The following DAB1 variants were observed in gnomAD, a reference collection of about 807,000 sequenced individuals.
DAB1 encodes DAB adaptor protein 1.
In DAB1, 15 loss-of-function variants were observed where a neutral mutation model predicts 64.6. That is an observed-to-expected ratio of 0.23 (90% CI 0.16 to 0.36). The LOEUF (loss-of-function observed/expected upper bound fraction) is 0.36, where lower values mean the gene tolerates loss of function less well. Among genes scored for constraint, DAB1 ranks in the 10% least tolerant of loss-of-function variants. The pLI is 1.00. For missense variants in DAB1, 596 were observed against 706.7 expected, an observed-to-expected ratio of 0.84 and a Z score of 1.78; for synonymous variants, 235 against 251.9, an observed-to-expected ratio of 0.93 and a Z score of 0.64.
Position 58,370,388 on chromosome 1 carries a change from T to C in DAB1, n.258-26985A>G, listed in dbSNP as rs1359557557. Among the ~76,000 whole-genome samples, 1,065 of 141,062 alleles carry C rather than the reference T, an allele frequency of 7.5e-3. 5 individuals are homozygous for C. Among genetic ancestry groups the C allele is most frequent in the African/African-American group, 0.025 (983 of 39,758 alleles). 92.5% of individuals were successfully genotyped at this position (141,062 alleles called of 152,430 possible). A position where few individuals can be genotyped will look rare whatever the true frequency, so the allele number is the denominator to read the frequency against. On this transcript the variant is annotated intron_variant and non_coding_transcript_variant, in intron 3 of 20. Coordinates refer to the DAB1 transcript ENST00000485760. ...ATGAGTGTGTGCGTGTGTGTGTGTG[T>C]GTGTGTGTGTGTGTGTGTGTGTGTG...
intron 7 of DAB1, among the ~76,000 whole-genome samples, chr1:57,648,566 T>C (rs1189351256): frequency 1.3e-5 from 2 of 152,200 alleles, no homozygotes; most frequent in African/African-American, 4.8e-5. Context: ...GCTTCTCATA[T>C]TTTTAATGAA....
chr1:58,142,985 G>A (rs1213235928), intron 5 of DAB1, among the ~76,000 whole-genome samples: 1 of 151,988 alleles, frequency 6.6e-6, no homozygotes, highest in Non-Finnish European at 1.5e-5. Context: ...GGCACTTATT[G>A]GAAATGGAAA....
At chr1:58,025,649 GTGTATATATATATATATA>G (rs1167510736) in intron 5 of DAB1, among the ~76,000 whole-genome samples, 1 of 115,062 alleles carries the variant, frequency 8.7e-6, no homozygotes, top group Admixed American at 9.0e-5. Context: ...ATATATATGT[GTGTATATATATATATATA>G]TATATATATA....
intron 7 of DAB1, among the ~76,000 whole-genome samples, chr1:57,477,582 G>A (rs1643954341): frequency 6.6e-6 from 1 of 152,084 alleles, no homozygotes; most frequent in East Asian, 1.9e-4. Flanking sequence ...ATATAAATTG[G>A]AGTGATTAGA....
intron 7 of DAB1, among the ~76,000 whole-genome samples, chr1:57,579,988 C>G (rs1340765311): frequency 1.3e-5 from 2 of 152,114 alleles, no homozygotes; most frequent in African/African-American, 2.4e-5. Flanking sequence ...TGGCAAGAGA[C>G]TTCATTGTGG....
intron 4 of DAB1, among the ~76,000 whole-genome samples, chr1:58,227,621 A>G (rs905530082): frequency 6.6e-6 from 1 of 152,104 alleles, no homozygotes; most frequent in African/African-American, 2.4e-5. Flanking sequence ...GAAAGTCACG[A>G]AAGTTAGGGG....
intron 2 of DAB1, among the ~76,000 whole-genome samples, chr1:57,231,774 G>A (rs1380948486): frequency 6.6e-6 from 1 of 152,116 alleles, no homozygotes. Context: ...ACTAATCTGT[G>A]TCACCCAATG....
intron 4 of DAB1, among the ~76,000 whole-genome samples, chr1:58,306,824 C>A (rs542054440): frequency 1.7e-4 from 26 of 152,218 alleles, no homozygotes; most frequent in African/African-American, 6.3e-4. Flanking sequence ...TCTCTCTCCC[C>A]TGTCTCACTT....
chr1:57,759,870 T>C (rs77585632), intron 6 of DAB1, among the ~76,000 whole-genome samples: 6,804 of 152,126 alleles, frequency 0.045, 193 homozygotes, highest in Middle Eastern at 0.082. Context: ...GTAACAATTA[T>C]AGAGGGGAAA....
chr1:58,002,000 C>T (rs1390667763), intron 5 of DAB1, among the ~76,000 whole-genome samples: 2 of 152,126 alleles, frequency 1.3e-5, no homozygotes, highest in Non-Finnish European at 1.5e-5. Context: ...ATATTGGCAA[C>T]CAGAAGCTGC....
At chr1:58,473,780 T>C (rs181372483) in intron 3 of DAB1, 1 of 543,140 alleles carries the variant, frequency 1.8e-6, no homozygotes, top group African/African-American at 1.9e-5. Context: ...CAGAACAGTC[T>C]GACCCAAGAA....
At chr1:58,448,042 C>T (rs757012183) in intron 3 of DAB1, among the ~76,000 whole-genome samples, 16 of 151,984 alleles carry the variant, frequency 1.1e-4, no homozygotes, top group Non-Finnish European at 2.1e-4. Context: ...GCTAACACAG[C>T]CCAGGCATCA....
At chr1:57,627,496 T>C (rs1473970464) in intron 7 of DAB1, among the ~76,000 whole-genome samples, 1 of 152,210 alleles carries the variant, frequency 6.6e-6, no homozygotes, top group African/African-American at 2.4e-5. Context: ...CTTTGCTTAT[T>C]ATCCATTACA....
At chr1:58,357,687 G>A (rs1007967802) in intron 3 of DAB1, among the ~76,000 whole-genome samples, 31 of 152,220 alleles carry the variant, frequency 2.0e-4, no homozygotes, top group African/African-American at 7.5e-4. Flanking sequence ...AGATTCTGAT[G>A]CAGTGGGTCT....
intron 2 of DAB1, among the ~76,000 whole-genome samples, chr1:57,204,690 C>T (rs929537222): frequency 3.9e-5 from 6 of 152,204 alleles, no homozygotes; most frequent in Non-Finnish European, 5.9e-5. Flanking sequence ...ATAAAGACTT[C>T]GTTGGAATTG....
At chr1:57,235,714 GA>G (rs10633827) in intron 2 of DAB1, among the ~76,000 whole-genome samples, 4 of 150,228 alleles carry the variant, frequency 2.7e-5, no homozygotes, top group East Asian at 2.0e-4. Flanking sequence ...CTTTAAAAAA[GA>G]AAAAAAAACA....
At chr1:57,380,396 C>T (rs1201276386) in intron 1 of DAB1, among the ~76,000 whole-genome samples, 4 of 152,158 alleles carry the variant, frequency 2.6e-5, no homozygotes, top group African/African-American at 7.2e-5. Flanking sequence ...TCCTTAGAAC[C>T]GTCTTACCCA....
chr1:57,545,736 CT>C (rs1644849089), intron 7 of DAB1, among the ~76,000 whole-genome samples: 1 of 152,118 alleles, frequency 6.6e-6, no homozygotes, highest in Non-Finnish European at 1.5e-5. Context: ...TTATTAATAC[CT>C]TCGTTTTACT....
chr1:58,002,079 G>A (rs1646514800), intron 5 of DAB1, among the ~76,000 whole-genome samples: 1 of 152,260 alleles, frequency 6.6e-6, no homozygotes, highest in African/African-American at 2.4e-5. Context: ...ATTAATTCTA[G>A]CCCTGTGATA....
Sources: allele counts gnomAD v4.1 joint callset (sites outside exome capture counted in the v4.1 genomes callset), GRCh38; gene constraint gnomAD v4.1.1; transcripts MANE v1.5; gene names NCBI Gene and HGNC (gene_info 2026-07-23, HGNC 2026-07-21).